Variants in YAF2 observed in about 807,000 individuals in gnomAD.
The protein encoded by YAF2 is YY1 associated factor 2.
Under a neutral mutation model 20.1 loss-of-function variants are expected in YAF2, and 7 were observed. The observed-to-expected ratio is 0.35, with a 90% confidence interval of 0.20 to 0.65. The LOEUF is 0.65. YAF2 is among the 30% of genes least tolerant of loss of function. The pLI, the probability that YAF2 is intolerant of heterozygous loss-of-function variation, is 0.69. For synonymous variants in YAF2, 74 were observed against 76.0 expected (o/e 0.97, Z 0.14); for missense variants, 151 against 219.2 (o/e 0.69, Z 1.96).
rs142810401 is a variant in YAF2 at position 42,181,740 on chromosome 12, C to T, written c.153-19975G>A. ...AGAATTCAAAATAATGCTGTGAAAG[C>T]AAACAATAAACAAGGCTTCAATGGA... On this transcript the variant is annotated intron_variant, in intron 2 of 3. Coordinates refer to ENST00000534854, the MANE Select transcript of YAF2 (RefSeq NM_005748.6). Among the ~76,000 whole-genome samples the T allele has an allele frequency of 6.2e-3, 941 of 152,116 alleles. 4 individuals carry two copies. The highest frequency in any genetic ancestry group is 0.054 in the Middle Eastern group (16 of 294).
chr12:42,167,792 G>GC (rs1022737600), intron 2 of YAF2, among the ~76,000 whole-genome samples: 16 of 152,160 alleles, frequency 1.1e-4, no homozygotes, highest in Admixed American at 1.0e-3. Context: ...GACTGCTTGG[G>GC]CCCAGGAGTT....
At chr12:42,228,668 C>T (rs2067865953) in intron 2 of YAF2, among the ~76,000 whole-genome samples, 1 of 99,722 alleles carries the variant, frequency 1.0e-5, no homozygotes. Flanking sequence ...GGGGGGGGGT[C>T]AGCCCCCCTG....
intron 2 of YAF2, among the ~76,000 whole-genome samples, chr12:42,211,157 T>A (rs899407361): frequency 1.3e-5 from 2 of 152,136 alleles, no homozygotes; most frequent in African/African-American, 4.8e-5. Flanking sequence ...CCAGGCGTGG[T>A]GGCTCACGCC....
chr12:42,177,737 C>G (rs1003719591), intron 2 of YAF2, among the ~76,000 whole-genome samples: 3 of 152,174 alleles, frequency 2.0e-5, no homozygotes, highest in Non-Finnish European at 4.4e-5. Context: ...TCCCTCACTT[C>G]TTCCAGGTCT....
intron 2 of YAF2, among the ~76,000 whole-genome samples, chr12:42,178,007 C>T (rs946796711): frequency 6.6e-6 from 1 of 151,992 alleles, no homozygotes. Context: ...ATATAGGCTC[C>T]CTACCACCCC....
At chr12:42,234,108 T>C (rs2068061581) in intron 2 of YAF2, 12 of 748,004 alleles carry the variant, frequency 1.6e-5, no homozygotes, top group African/African-American at 1.9e-5. Flanking sequence ...GAGGTGGAGG[T>C]TGCAGTGAGC....
At chr12:42,183,269 A>G (rs546474209) in intron 2 of YAF2, among the ~76,000 whole-genome samples, 1 of 152,288 alleles carries the variant, frequency 6.6e-6, no homozygotes, top group African/African-American at 2.4e-5. Context: ...CAATAACTCA[A>G]CAATGGTGTC....
At chr12:42,200,708 G>A (rs984378283) in intron 2 of YAF2, among the ~76,000 whole-genome samples, 2 of 152,022 alleles carry the variant, frequency 1.3e-5, no homozygotes, top group African/African-American at 4.8e-5. Context: ...CATAAGTGTG[G>A]GTAAATTAGA....
At chr12:42,235,446 G>A (rs186381179) in intron 2 of YAF2, 1,046 of 1,186,938 alleles carry the variant, frequency 8.8e-4, no homozygotes, top group Non-Finnish European at 1.0e-3. Flanking sequence ...GTTCCACACT[G>A]TTCTATACAA....
At chr12:42,194,515 G>C (rs1175780595) in intron 2 of YAF2, among the ~76,000 whole-genome samples, 1 of 152,162 alleles carries the variant, frequency 6.6e-6, no homozygotes, top group South Asian at 2.1e-4. Flanking sequence ...GTGGTGGCAA[G>C]CGCCTGTAAT....
chr12:42,205,504 A>G (rs1591997887), intron 2 of YAF2, among the ~76,000 whole-genome samples: 1 of 152,034 alleles, frequency 6.6e-6, no homozygotes, highest in East Asian at 1.9e-4. Flanking sequence ...CCTCCTGAGT[A>G]GCTGAGATTA....
intron 2 of YAF2, among the ~76,000 whole-genome samples, chr12:42,206,300 A>T (rs1191653008): frequency 1.1e-5 from 1 of 92,752 alleles, no homozygotes; most frequent in Non-Finnish European, 2.3e-5. Context: ...TCTTAGTTAA[A>T]AAAAAAAAAA....
At chr12:42,229,927 T>C (rs2067927618) in intron 2 of YAF2, among the ~76,000 whole-genome samples, 2 of 152,162 alleles carry the variant, frequency 1.3e-5, no homozygotes, top group Non-Finnish European at 2.9e-5. Context: ...ATAGAATCAA[T>C]ATGATACCAA....
intron 2 of YAF2, among the ~76,000 whole-genome samples, chr12:42,207,555 A>G (rs2067079824): frequency 6.6e-6 from 1 of 152,202 alleles, no homozygotes; most frequent in Admixed American, 6.5e-5. Flanking sequence ...TATGGTACAA[A>G]TAAGATTGAT....
rs1426869601 is a variant in YAF2, at chr12:42,157,725, A to C, written c.*2864T>G. On this transcript the variant is annotated 3_prime_UTR_variant, in exon 4 of 4. Coordinates refer to ENST00000534854, the MANE Select transcript of YAF2 (RefSeq NM_005748.6). ...CCTTTATTTCTATTGTATAATACAA[A>C]AGGTTTTAAGAATATTCTTCTGTGC... The C allele has an allele frequency of 6.6e-6, 1 of 151,976 alleles. No individual in the cohort carries two copies. The highest frequency in any genetic ancestry group is 1.5e-5 in the Non-Finnish European group (1 of 67,984). The allele number at this position is 151,976 out of a possible 1,614,324, so 9.4% of individuals were successfully genotyped here.
chr12:42,178,081 C>G (rs1294995506), intron 2 of YAF2, among the ~76,000 whole-genome samples: 1 of 152,100 alleles, frequency 6.6e-6, no homozygotes, highest in Non-Finnish European at 1.5e-5. Flanking sequence ...CCTGTGCCTA[C>G]AGCATAAAAA....
intron 2 of YAF2, among the ~76,000 whole-genome samples, chr12:42,224,789 G>C (rs1214442354): frequency 6.6e-6 from 1 of 152,150 alleles, no homozygotes; most frequent in African/African-American, 2.4e-5. Context: ...ATGGGCATTT[G>C]GGTTGGTTCC....
chr12:42,229,722 C>A (rs1471633580), intron 2 of YAF2, among the ~76,000 whole-genome samples: 1 of 152,190 alleles, frequency 6.6e-6, no homozygotes, highest in African/African-American at 2.4e-5. Flanking sequence ...ATGGTAGAGC[C>A]TATTGCTCTG....
chr12:42,224,986 C>G lies in YAF2; in HGVS notation c.152+12613G>C, dbSNP rs528679684. ...CACAATGGTTGAACTAATTTACACT[C>G]CCACCAACAGTGTAAAAGCGTTCCT... On this transcript the variant is annotated intron_variant, in intron 2 of 3. Transcript: ENST00000534854. 2.0e-5 allele frequency among the ~76,000 whole-genome samples: 3 copies of G among 152,310 alleles called. No individual in the cohort carries two copies. The South Asian group carries it at 6.2e-4, about 32-fold the overall frequency.
Sources: allele counts gnomAD v4.1 joint callset (sites outside exome capture counted in the v4.1 genomes callset), GRCh38; gene constraint gnomAD v4.1.1; transcripts MANE v1.5; gene names NCBI Gene and HGNC (gene_info 2026-07-23, HGNC 2026-07-21).